Variants in RNF144A observed in about 807,000 individuals in gnomAD.
RNF144A encodes the protein E3 ubiquitin-protein ligase RNF144A.
Under a neutral mutation model 38.7 loss-of-function variants are expected in RNF144A, and 11 were observed. The observed-to-expected ratio is 0.28, with a 90% confidence interval of 0.18 to 0.47. The LOEUF is 0.47. Ranked by LOEUF, RNF144A falls within the 20% of genes least tolerant of loss-of-function variation. The pLI, the probability that RNF144A is intolerant of heterozygous loss-of-function variation, is 0.99. For missense variants in RNF144A, 316 were observed against 377.2 expected, an observed-to-expected ratio of 0.84 and a Z score of 1.34; for synonymous variants, 149 against 143.9, an observed-to-expected ratio of 1.04 and a Z score of -0.25.
chr2:7,006,317 C>G (rs1670437420), intron 3 of RNF144A, among the ~76,000 whole-genome samples: 1 of 152,098 alleles, frequency 6.6e-6, no homozygotes, highest in Non-Finnish European at 1.5e-5. Context: ...GGAGGATGAA[C>G]AATTCTCTAC....
At position 7,052,838 on chromosome 2, in the gene RNF144A, A is replaced by AACACACAC. The variant is rs10670138; in HGVS notation, c.735-15361_735-15354dup. 5.0e-3 allele frequency among the ~76,000 whole-genome samples: 745 copies of AACACACAC among 150,066 alleles called. 7 individuals are homozygous for AACACACAC. Among genetic ancestry groups the AACACACAC allele is most frequent in the African/African-American group, 0.015 (617 of 40,876 alleles). On this transcript the variant is annotated intron_variant, in intron 6 of 6. Coordinates refer to the RNF144A transcript ENST00000432850. ...TTCCTGCACAGGAGCCCCCCTTTCC[A>AACACACAC]ACACACACACACACACACACACACC...
chr2:7,043,729 C>T lies in RNF144A; in HGVS notation c.*3969C>T, dbSNP rs2103467551. 1 of 985,856 alleles carries T rather than the reference C, an allele frequency of 1.0e-6. No homozygotes were observed. Among genetic ancestry groups the T allele is most frequent in the African/African-American group, 1.7e-5 (1 of 57,344 alleles). 61.1% of individuals were successfully genotyped at this position (985,856 alleles called of 1,614,324 possible). On this transcript the variant is annotated 3_prime_UTR_variant, in exon 9 of 9. Coordinates refer to ENST00000320892, the MANE Select transcript of RNF144A (RefSeq NM_014746.6). ...TGATGTTTAAAAAACCCAGGGTCTC[C>T]ACCCTTCCTTTGATTTGTGCAATTC...
intron 7 of RNF144A, among the ~76,000 whole-genome samples, chr2:7,027,491 A>G (rs1671986404): frequency 6.6e-6 from 1 of 152,212 alleles, no homozygotes; most frequent in Non-Finnish European, 1.5e-5. Flanking sequence ...TTCTCAAACT[A>G]GTGAGGAAGG....
chr2:6,957,265 T>C (rs1374662471), intron 2 of RNF144A, among the ~76,000 whole-genome samples: 1 of 152,220 alleles, frequency 6.6e-6, no homozygotes. Context: ...ACCCGCTACA[T>C]GTGGGCTCTG....
At chr2:7,014,367 T>C in intron 3 of RNF144A, 87 bp from the exon 4 acceptor site, 1 of 866,176 alleles carries the variant, frequency 1.2e-6, no homozygotes, top group South Asian at 1.4e-5. Context: ...TGGAATGATG[T>C]GCCTGGTCCT....
intron 2 of RNF144A, among the ~76,000 whole-genome samples, chr2:6,975,921 G>T (rs944581791): frequency 2.0e-5 from 3 of 152,244 alleles, no homozygotes; most frequent in African/African-American, 7.2e-5. Flanking sequence ...TCTATGCTTT[G>T]CTGTTTTCAC....
In RNF144A at chr2:6,963,155, C is replaced by G. The variant is rs759692559; in HGVS notation, c.-12+22008C>G. On this transcript the variant is annotated intron_variant, in intron 2 of 8. Transcript: ENST00000320892. The stretch of plus-strand genomic sequence containing the variant: ...AGACTGAGACCTGAACAGACAGGAA[C>G]ATAGGTAACATCAGGAGTCCTCAGG... 7.9e-5 allele frequency among the ~76,000 whole-genome samples: 12 copies of G among 152,118 alleles called. 1 individual carries two copies. Among genetic ancestry groups the G allele is most frequent in the Non-Finnish European group, 1.6e-4 (11 of 68,038 alleles).
At chr2:6,921,166 C>T (rs1231675968) in intron 1 of RNF144A, among the ~76,000 whole-genome samples, 1 of 152,190 alleles carries the variant, frequency 6.6e-6, no homozygotes, top group Non-Finnish European at 1.5e-5. Flanking sequence ...GAGGGTGGCT[C>T]ATTGCTGATA....
chr2:6,996,072 C>T (rs1669717773), intron 2 of RNF144A, among the ~76,000 whole-genome samples: 1 of 152,124 alleles, frequency 6.6e-6, no homozygotes, highest in Middle Eastern at 3.2e-3. Context: ...TGGTTCTGCC[C>T]CTCCATGTGG....
Position 6,945,928 on chromosome 2 carries a change from C to G in RNF144A, c.-12+4781C>G, listed in dbSNP as rs546529303. Among the ~76,000 whole-genome samples the G allele has an allele frequency of 3.3e-5, 5 of 152,184 alleles. No homozygotes were observed. In the East Asian group the frequency reaches 7.7e-4, roughly 24 times the overall value. On this transcript the variant is annotated intron_variant, in intron 2 of 8. Coordinates refer to ENST00000320892, the MANE Select transcript of RNF144A (RefSeq NM_014746.6). ...AGCAGGGCTGGGGAGCCCCTTGGAGCCTGGAGTCTGAAGATTTGCCATCAG... is the reference window on the plus strand; with the variant it reads ...AGCAGGGCTGGGGAGCCCCTTGGAGGCTGGAGTCTGAAGATTTGCCATCAG...
intron 1 of RNF144A, among the ~76,000 whole-genome samples, chr2:6,940,634 CTCTA>C (rs1399877387): frequency 6.6e-6 from 1 of 152,058 alleles, no homozygotes; most frequent in Non-Finnish European, 1.5e-5. Flanking sequence ...TTGCACCTCT[CTCTA>C]TAGGAGACTC....
intron 6 of RNF144A, 122 bp downstream of exon 6, chr2:7,020,802 C>T (rs1671477416): frequency 1.3e-6 from 1 of 778,640 alleles, no homozygotes; most frequent in African/African-American, 1.7e-5. Flanking sequence ...CCCTAACACA[C>T]ACTGTACCTC....
At chr2:7,033,121 C>T (rs1343541060) in intron 8 of RNF144A, among the ~76,000 whole-genome samples, 1 of 152,260 alleles carries the variant, frequency 6.6e-6, no homozygotes, top group Non-Finnish European at 1.5e-5. Flanking sequence ...GTGCTTTCCA[C>T]AGGGACTCTG....
At chr2:7,026,655 G>C (rs1671920263) in intron 7 of RNF144A, among the ~76,000 whole-genome samples, 1 of 152,154 alleles carries the variant, frequency 6.6e-6, no homozygotes, top group Admixed American at 6.5e-5. Flanking sequence ...CGGATCATTT[G>C]GAGGCTGCAT....
chr2:6,984,496 G>T (rs1341319140), intron 2 of RNF144A, among the ~76,000 whole-genome samples: 2 of 152,022 alleles, frequency 1.3e-5, no homozygotes, highest in African/African-American at 2.4e-5. Flanking sequence ...TAGAGACGGG[G>T]TTTCACCATG....
rs951752821 is a variant in RNF144A at position 6,923,309 on chromosome 2, C to CT, written c.-212+5696dup. On this transcript the variant is annotated intron_variant, in intron 1 of 8. Coordinates refer to ENST00000320892, the MANE Select transcript of RNF144A (RefSeq NM_014746.6). ...CGCTGAAGCTGGAATCAATGCACAC[C>CT]TTTTTTTTTGTTAACTTTCTTGGGA... 3.9e-4 allele frequency among the ~76,000 whole-genome samples: 59 copies of CT among 151,690 alleles called. 2 individuals are homozygous for CT. Among genetic ancestry groups the CT allele is most frequent in the African/African-American group, 2.7e-4 (11 of 41,372 alleles).
At chr2:6,959,410 G>A (rs1191011681) in intron 2 of RNF144A, among the ~76,000 whole-genome samples, 1 of 149,162 alleles carries the variant, frequency 6.7e-6, no homozygotes, top group East Asian at 1.9e-4. Context: ...AATTGCGTGT[G>A]CACATCCAGA....
chr2:7,003,665 T>C (rs1377857862), intron 3 of RNF144A, among the ~76,000 whole-genome samples: 2 of 152,204 alleles, frequency 1.3e-5, no homozygotes, highest in South Asian at 4.1e-4. Context: ...AAGGATACAT[T>C]GTTCAGAATG....
intron 1 of RNF144A, among the ~76,000 whole-genome samples, chr2:6,918,877 C>G (rs1039507382): frequency 2.0e-5 from 3 of 151,908 alleles, no homozygotes; most frequent in South Asian, 4.2e-4. Flanking sequence ...GGAACTATCC[C>G]CAGTGGATCC....
Sources: gnomAD v4.1 joint callset for allele counts (sites outside exome capture counted in the v4.1 genomes callset) on GRCh38, gnomAD v4.1.1 for gene constraint, MANE v1.5 for transcripts, NCBI Gene and HGNC (gene_info 2026-07-23, HGNC 2026-07-21) for gene names.